USP32: variants seen among roughly 807,000 people sequenced by gnomAD.
USP32 encodes the protein ubiquitin carboxyl-terminal hydrolase 32.
USP32 carries 59 observed loss-of-function variants against 204.8 expected under a neutral mutation model. The observed-to-expected ratio is 0.29, with a 90% CI of 0.23 to 0.36. USP32 has a LOEUF of 0.36. USP32 is among the 10% of genes least tolerant of loss of function. The pLI is 1.00. For missense variants in USP32, 1,160 were observed against 1,946.4 expected (o/e 0.60, Z 7.60); for synonymous variants, 517 against 678.4 (o/e 0.76, Z 3.70).
At chr17:60,241,885 C>T (rs1224221953) in intron 11 of USP32, among the ~76,000 whole-genome samples, 2 of 152,136 alleles carry the variant, frequency 1.3e-5, no homozygotes, top group African/African-American at 4.8e-5. Context: ...CTAAGTCTTA[C>T]ACTTTTTTCC....
At position 60,212,010 on chromosome 17, in the gene USP32, T is replaced by C. The variant is rs1339709429; in HGVS notation, c.2179+14A>G. ...TTAAAATAATCTCTTTAAAAAATAA[T>C]ACTGGAGACTTACCCTTGTGTCTAT... On this transcript the variant is annotated intron_variant, in intron 19 of 33. Transcript: ENST00000300896. The C allele has an allele frequency of 6.5e-7, 1 of 1,534,812 alleles. No individual in the cohort carries two copies. Among genetic ancestry groups the C allele is most frequent in the Non-Finnish European group, 8.9e-7 (1 of 1,121,046 alleles).
At chr17:60,294,393 T>G (rs1365057387) in intron 4 of USP32, among the ~76,000 whole-genome samples, 1 of 152,062 alleles carries the variant, frequency 6.6e-6, no homozygotes, top group Non-Finnish European at 1.5e-5. Flanking sequence ...AGTGTGTGTG[T>G]GTGTGTGTGT....
intron 2 of USP32, among the ~76,000 whole-genome samples, chr17:60,316,719 T>C (rs1464680935): frequency 1.3e-5 from 2 of 152,022 alleles, no homozygotes. Flanking sequence ...TGGGCGCCTG[T>C]AGTCCCAGCT....
intron 1 of USP32, among the ~76,000 whole-genome samples, chr17:60,403,416 A>C (rs898210935): frequency 6.6e-6 from 1 of 152,152 alleles, no homozygotes; most frequent in African/African-American, 2.4e-5. Context: ...GTTTAAGGGG[A>C]GGTGAAATAA....
At chr17:60,354,430 A>G (rs1315997406) in intron 1 of USP32, among the ~76,000 whole-genome samples, 2 of 152,226 alleles carry the variant, frequency 1.3e-5, no homozygotes, top group African/African-American at 4.8e-5. Flanking sequence ...CACAGAGATA[A>G]ATAAACATTG....
chr17:60,350,558 G>A lies in USP32; in HGVS notation c.59-4950C>T, dbSNP rs570107851. On this transcript the variant is annotated intron_variant, in intron 1 of 33. Coordinates refer to ENST00000300896, the MANE Select transcript of USP32 (RefSeq NM_032582.4). Reference sequence around the variant, plus strand: ...CCAGCCTAGGCCTCCCAAATTGCTGGGATTACAAGCATGGGCCACCGTGCC... The same window carrying A: ...CCAGCCTAGGCCTCCCAAATTGCTGAGATTACAAGCATGGGCCACCGTGCC... Among the ~76,000 whole-genome samples the A allele has an allele frequency of 5.3e-5, 8 of 152,274 alleles. No individual in the cohort carries two copies. The East Asian group carries it at 1.2e-3, about 22-fold the overall frequency.
chr17:60,411,465 A>G (rs1403240557), intron 1 of USP32, among the ~76,000 whole-genome samples: 3 of 132,746 alleles, frequency 2.3e-5, no homozygotes, highest in African/African-American at 8.7e-5. Context: ...TTGAGCCGTG[A>G]TTGTACCATT....
At chr17:60,393,087 A>G (rs572009948), upstream of USP32, among the ~76,000 whole-genome samples, 1 of 152,286 alleles carries the variant, frequency 6.6e-6, no homozygotes, top group South Asian at 2.1e-4. Flanking sequence ...TCATCTTGCA[A>G]AAGGGAAACT....
At chr17:60,341,026 T>C (rs914884369) in intron 2 of USP32, among the ~76,000 whole-genome samples, 1 of 152,310 alleles carries the variant, frequency 6.6e-6, no homozygotes, top group African/African-American at 2.4e-5. Context: ...GTAGGGCTTT[T>C]GCCTAGAGAC....
At chr17:60,216,994 A>G (rs2085120345) in intron 16 of USP32, among the ~76,000 whole-genome samples, 1 of 152,070 alleles carries the variant, frequency 6.6e-6, no homozygotes, top group South Asian at 2.1e-4. Flanking sequence ...TAAAATTTCA[A>G]ATTAAAACCA....
chr17:60,397,658 A>G (rs1250155657), intron 1 of USP32, among the ~76,000 whole-genome samples: 1 of 152,078 alleles, frequency 6.6e-6, no homozygotes, highest in Non-Finnish European at 1.5e-5. Context: ...TAGTCACCCC[A>G]CTACCTATTA....
upstream of USP32, among the ~76,000 whole-genome samples, chr17:60,392,940 G>A (rs1224154128): frequency 6.6e-6 from 1 of 152,098 alleles, no homozygotes; most frequent in Admixed American, 6.5e-5. Context: ...ACAAGGCTTA[G>A]CGTGGAGTCG....
intron 1 of USP32, among the ~76,000 whole-genome samples, chr17:60,385,186 C>A (rs571681482): frequency 2.0e-4 from 30 of 152,170 alleles, no homozygotes; most frequent in African/African-American, 6.0e-4. Flanking sequence ...GAAGCTCCCC[C>A]ACTGGGCACC....
At chr17:60,204,077 C>CCA (rs1246230303) in intron 26 of USP32, among the ~76,000 whole-genome samples, 1 of 151,992 alleles carries the variant, frequency 6.6e-6, no homozygotes, top group East Asian at 1.9e-4. Context: ...TTCTTTTTTA[C>CCA]CAAAGAGTCA....
At chr17:60,279,931 T>A (rs58503148) in intron 5 of USP32, among the ~76,000 whole-genome samples, 145 of 151,670 alleles carry the variant, frequency 9.6e-4, no homozygotes, top group African/African-American at 3.1e-3. Context: ...ATTAAAAAAT[T>A]AGTTAAGATG....
intron 30 of USP32, among the ~76,000 whole-genome samples, chr17:60,185,156 C>T (rs552337178): frequency 3.0e-4 from 45 of 152,290 alleles, no homozygotes; most frequent in African/African-American, 9.6e-4. Flanking sequence ...AGAAGTTTAA[C>T]CTCTCTTGAA....
chr17:60,319,548 C>A (rs528955810), intron 2 of USP32, among the ~76,000 whole-genome samples: 1 of 152,154 alleles, frequency 6.6e-6, no homozygotes, highest in Non-Finnish European at 1.5e-5. Context: ...GAGGCTGAGG[C>A]GGGCAGATTG....
chr17:60,260,096 C>A (rs2086416341), intron 9 of USP32, among the ~76,000 whole-genome samples: 1 of 152,144 alleles, frequency 6.6e-6, no homozygotes, highest in African/African-American at 2.4e-5. Flanking sequence ...ACAAAAGAAT[C>A]TTTGACTTAA....
intron 5 of USP32, among the ~76,000 whole-genome samples, chr17:60,283,168 T>C (rs997724720): frequency 5.3e-5 from 8 of 152,228 alleles, no homozygotes; most frequent in African/African-American, 1.7e-4. Context: ...AAAGATGAAG[T>C]ACATTCTTAA....
Sources: gnomAD v4.1 joint callset for allele counts (sites outside exome capture counted in the v4.1 genomes callset) on GRCh38, gnomAD v4.1.1 for gene constraint, MANE v1.5 for transcripts, NCBI Gene and HGNC (gene_info 2026-07-23, HGNC 2026-07-21) for gene names.